VPS13D: variants seen among roughly 807,000 people sequenced by gnomAD.
VPS13D encodes the protein vacuolar protein sorting 13 homolog D.
A neutral mutation model predicts 461.9 loss-of-function variants in VPS13D; 187 were observed. That is an observed-to-expected ratio of 0.40 (90% confidence interval 0.36 to 0.46). The LOEUF is 0.46. VPS13D is among the 20% of genes least tolerant of loss of function. The probability of loss-of-function intolerance (pLI) is 0.60; values close to 1 mark genes in which losing one functional copy is unlikely to be tolerated. For synonymous variants in VPS13D, 1,951 were observed against 1,986.3 expected (o/e 0.98, Z 0.47); for missense variants, 4,711 against 5,364.9 (o/e 0.88, Z 3.81).
chr1:12,312,924 G>A (rs905257300), intron 29 of VPS13D, among the ~76,000 whole-genome samples: 3 of 152,180 alleles, frequency 2.0e-5, no homozygotes, highest in Non-Finnish European at 2.9e-5. Context: ...CTAGTCCTTC[G>A]CTTATTTCTG....
At chr1:12,293,426 G>T in intron 23 of VPS13D, 98 bp from the exon 24 acceptor site, 1 of 1,162,298 alleles carries the variant, frequency 8.6e-7, no homozygotes, top group South Asian at 1.8e-5. Flanking sequence ...AATAATTAAA[G>T]CTGGTTTTAG....
intron 30 of VPS13D, among the ~76,000 whole-genome samples, chr1:12,314,733 C>G (rs1642844455): frequency 6.6e-6 from 1 of 152,166 alleles, no homozygotes; most frequent in Non-Finnish European, 1.5e-5. Context: ...GTCTTACTGA[C>G]TCATTATCCA....
At chr1:12,334,009 G>A (rs541950796) in intron 38 of VPS13D, among the ~76,000 whole-genome samples, 1 of 152,164 alleles carries the variant, frequency 6.6e-6, no homozygotes, top group African/African-American at 2.4e-5. Context: ...TTGATTTATT[G>A]ATCTACTTGA....
intron 58 of VPS13D, 63 bp from the exon 59 acceptor site, chr1:12,385,197 G>A: frequency 1.5e-6 from 2 of 1,356,988 alleles, no homozygotes; most frequent in Admixed American, 3.5e-5. Flanking sequence ...GTTGTTCTGG[G>A]TTAGAATAGG....
In VPS13D at chr1:12,373,095, G is replaced by GTTTT. The variant is rs571503565; in HGVS notation, c.10809-631_10809-628dup. Among the ~76,000 whole-genome samples the GTTTT allele has an allele frequency of 4.7e-3, 174 of 37,114 alleles. 5 individuals are homozygous for GTTTT. The highest frequency in any genetic ancestry group is 0.021 in the Admixed American group (57 of 2,692). The allele number at this position is 37,114 out of a possible 152,430, so 24.3% of individuals were successfully genotyped here. On this transcript the variant is annotated intron_variant, in intron 54 of 69. Coordinates refer to ENST00000620676, the MANE Select transcript of VPS13D (RefSeq NM_015378.4). ...TTGGTCCCTTGAATTGTCTGGCTTG[G>GTTTT]TTTTTTTTTTTTTTTTTTTTTTTTT... is the stretch of plus-strand genomic sequence containing the variant.
At chr1:12,482,223 G>A (rs1645728059) in intron 67 of VPS13D, among the ~76,000 whole-genome samples, 1 of 152,220 alleles carries the variant, frequency 6.6e-6, no homozygotes, top group Non-Finnish European at 1.5e-5. Flanking sequence ...ACGAGGCATA[G>A]ATAGTAATGG....
intron 5 of VPS13D, among the ~76,000 whole-genome samples, chr1:12,245,018 AAG>A (rs1346201664): frequency 2.0e-5 from 3 of 152,132 alleles, no homozygotes; most frequent in Admixed American, 6.5e-5. Context: ...TCATCTGTAA[AAG>A]AGAGAGGTTG....
chr1:12,475,120 C>G (rs1645613652), intron 67 of VPS13D, among the ~76,000 whole-genome samples: 2 of 152,122 alleles, frequency 1.3e-5, no homozygotes, highest in Admixed American at 1.3e-4. Context: ...CTTCTTGACT[C>G]AACTCTCTGT....
intron 67 of VPS13D, among the ~76,000 whole-genome samples, chr1:12,462,109 G>C (rs1645420837): frequency 1.3e-5 from 2 of 152,302 alleles, no homozygotes; most frequent in South Asian, 2.1e-4. Flanking sequence ...AACCAAAACT[G>C]TCTCTGGTCT....
At chr1:12,413,320 TAAAA>T (rs1183997013) in intron 63 of VPS13D, among the ~76,000 whole-genome samples, 1 of 137,698 alleles carries the variant, frequency 7.3e-6, no homozygotes, top group South Asian at 2.3e-4. Context: ...CTCTCCAAAA[TAAAA>T]AAAAAAAAAA....
intron 22 of VPS13D, 115 bp downstream of exon 22, chr1:12,288,428 T>A: frequency 1.1e-6 from 1 of 904,828 alleles, no homozygotes; most frequent in Non-Finnish European, 1.8e-6. Flanking sequence ...GTGGCTTGAT[T>A]GTGGTTATTA....
At chr1:12,239,872 G>A (rs902322774) in intron 2 of VPS13D, among the ~76,000 whole-genome samples, 4 of 152,042 alleles carry the variant, frequency 2.6e-5, no homozygotes, top group African/African-American at 9.7e-5. Flanking sequence ...TGAGTGACCC[G>A]CATTATCATT....
chr1:12,251,507 C>A (rs1640731266), intron 6 of VPS13D, among the ~76,000 whole-genome samples: 2 of 152,122 alleles, frequency 1.3e-5, no homozygotes, highest in African/African-American at 4.8e-5. Context: ...ATGTCAGGAC[C>A]CACACAGTAA....
chr1:12,363,020 T>C (rs919586701), intron 51 of VPS13D, 52 bp from the exon 52 acceptor site: 1 of 1,603,120 alleles, frequency 6.2e-7, no homozygotes, highest in African/African-American at 1.3e-5. Flanking sequence ...CAGTAACACT[T>C]ATTGTCATGA....
At chr1:12,236,087 C>A (rs1341902523) in intron 2 of VPS13D, among the ~76,000 whole-genome samples, 2 of 152,200 alleles carry the variant, frequency 1.3e-5, no homozygotes, top group Non-Finnish European at 2.9e-5. Flanking sequence ...AACTGCTTTT[C>A]TGCCCTTATT....
At chr1:12,378,316 TA>T in intron 55 of VPS13D, 111 bp from the exon 56 acceptor site, 1 of 995,208 alleles carries the variant, frequency 1.0e-6, no homozygotes, top group Non-Finnish European at 1.4e-6. Flanking sequence ...AACGTCTAAA[TA>T]AACTTCCTAT....
chr1:12,333,189 C>T, intron 37 of VPS13D, 37 bp from the exon 38 acceptor site: 2 of 1,607,242 alleles, frequency 1.2e-6, no homozygotes, highest in Non-Finnish European at 1.7e-6. Flanking sequence ...CTCTTGATAT[C>T]TGCTGAACAG....
At chr1:12,401,751 T>C in intron 62 of VPS13D, 47 bp downstream of exon 62, 1 of 1,518,684 alleles carries the variant, frequency 6.6e-7, no homozygotes, top group Non-Finnish European at 9.1e-7. Context: ...GGTCCAAAGA[T>C]GGTATTTTTG....
chr1:12,268,579 G>C, intron 15 of VPS13D, 127 bp from the exon 16 acceptor site: 1 of 1,058,126 alleles, frequency 9.5e-7, no homozygotes, highest in East Asian at 2.4e-5. Flanking sequence ...TTAAAGATAG[G>C]CATAAATGTG....
Sources: gnomAD v4.1 joint callset for allele counts (sites outside exome capture counted in the v4.1 genomes callset) on GRCh38, gnomAD v4.1.1 for gene constraint, MANE v1.5 for transcripts, NCBI Gene and HGNC (gene_info 2026-07-23, HGNC 2026-07-21) for gene names.